The following PAM variants were observed in gnomAD, a reference collection of about 807,000 sequenced individuals.
The protein encoded by PAM is peptidyl-glycine alpha-amidating monooxygenase.
Under a neutral mutation model 122.1 loss-of-function variants are expected in PAM, and 72 were observed. The ratio of observed to expected loss-of-function variants is 0.59; its 90% CI spans 0.49 to 0.72. PAM has a LOEUF of 0.72. PAM is among the 30% of genes least tolerant of loss of function. PAM has a pLI of 0.00. For synonymous variants in PAM, 389 were observed against 404.4 expected (o/e 0.96, Z 0.46); for missense variants, 1,106 against 1,183.7 (o/e 0.93, Z 0.96).
intron 22 of PAM, 90 bp from the exon 23 acceptor site, chr5:103,019,700 T>C: frequency 1.2e-6 from 1 of 833,080 alleles, no homozygotes. Flanking sequence ...GGAAATATTT[T>C]CTACTGAGTA....
chr5:102,791,907 T>C (rs1375617827), intron 1 of PAM, among the ~76,000 whole-genome samples: 1 of 152,146 alleles, frequency 6.6e-6, no homozygotes, highest in Non-Finnish European at 1.5e-5. Context: ...ACATTTTAAT[T>C]TGGATCTGCT....
intron 12 of PAM, among the ~76,000 whole-genome samples, chr5:102,957,776 C>T (rs561445697): frequency 6.6e-6 from 1 of 152,298 alleles, no homozygotes; most frequent in South Asian, 2.1e-4. Flanking sequence ...GATCCACCCA[C>T]CTCAGCCTCC....
At chr5:102,795,213 G>GAAAAAAAAAAAAAAAA (rs1385469058) in intron 1 of PAM, among the ~76,000 whole-genome samples, 1 of 82,884 alleles carries the variant, frequency 1.2e-5, no homozygotes, top group Non-Finnish European at 2.7e-5. Context: ...AAAAAAAAAA[G>GAAAAAAAAAAAAAAAA]AAGAGAAGAA....
At chr5:103,024,998 A>T (rs1173227015) in intron 23 of PAM, 133 bp from the exon 24 acceptor site, 3 of 622,986 alleles carry the variant, frequency 4.8e-6, no homozygotes, top group Non-Finnish European at 8.4e-6. Flanking sequence ...CAGGTATTAA[A>T]ACATGAAACC....
At chr5:102,964,755 AT>A (rs1420900809) in intron 14 of PAM, among the ~76,000 whole-genome samples, 1 of 151,284 alleles carries the variant, frequency 6.6e-6, no homozygotes, top group Non-Finnish European at 1.5e-5. Context: ...AAAGCACATT[AT>A]TTTAATTATA....
chr5:102,890,396 A>T (rs1255966590), intron 3 of PAM, among the ~76,000 whole-genome samples: 1 of 151,886 alleles, frequency 6.6e-6, no homozygotes, highest in Non-Finnish European at 1.5e-5. Context: ...TGCCGTGGTT[A>T]ATTAGAAGTT....
intron 1 of PAM, among the ~76,000 whole-genome samples, chr5:102,788,059 C>T (rs1561449080): frequency 1.3e-5 from 2 of 152,074 alleles, no homozygotes; most frequent in African/African-American, 2.4e-5. Flanking sequence ...TTTCAGTTCA[C>T]TTGCACTCAC....
At chr5:102,869,185 G>C (rs1234647787) in intron 3 of PAM, among the ~76,000 whole-genome samples, 1 of 152,194 alleles carries the variant, frequency 6.6e-6, no homozygotes, top group Non-Finnish European at 1.5e-5. Context: ...ATAATTGACT[G>C]TATCCCGCCT....
intron 5 of PAM, among the ~76,000 whole-genome samples, chr5:102,916,578 A>G (rs1190504274): frequency 6.7e-6 from 1 of 149,878 alleles, no homozygotes; most frequent in East Asian, 1.9e-4. Context: ...GAAGACATAC[A>G]TTAAGTAAAA....
intron 7 of PAM, among the ~76,000 whole-genome samples, chr5:102,940,698 G>A (rs1754909882): frequency 6.6e-6 from 1 of 151,922 alleles, no homozygotes; most frequent in Non-Finnish European, 1.5e-5. Flanking sequence ...TTAGTTAAAT[G>A]TTTCTTTTGG....
chr5:102,895,150 T>C (rs1021809012), intron 3 of PAM, among the ~76,000 whole-genome samples: 1 of 151,838 alleles, frequency 6.6e-6, no homozygotes, highest in South Asian at 2.1e-4. Context: ...GCTTTTGTTT[T>C]TTCTGTCACA....
intron 1 of PAM, among the ~76,000 whole-genome samples, chr5:102,837,079 A>G (rs576236981): frequency 2.4e-4 from 36 of 152,280 alleles, no homozygotes; most frequent in African/African-American, 8.2e-4. Context: ...GTTGAAGCCA[A>G]TGGCATGCTT....
intron 14 of PAM, among the ~76,000 whole-genome samples, chr5:102,966,676 C>G (rs893819143): frequency 6.6e-6 from 1 of 152,090 alleles, no homozygotes. Context: ...AAAAGAGATG[C>G]TTTTATTTTT....
chr5:103,022,370 T>C (rs1260163418), intron 23 of PAM, among the ~76,000 whole-genome samples: 1 of 152,146 alleles, frequency 6.6e-6, no homozygotes, highest in African/African-American at 2.4e-5. Context: ...GTATTAAGAA[T>C]GTCCTTCCCT....
intron 15 of PAM, among the ~76,000 whole-genome samples, chr5:102,983,144 C>T (rs1770479898): frequency 6.6e-6 from 1 of 151,854 alleles, no homozygotes; most frequent in Admixed American, 6.6e-5. Context: ...ATGAAGACAT[C>T]TTTTAAAATA....
Position 102,900,255 on chromosome 5 carries a change from G to GT in PAM, c.211-1101_211-1100insT, listed in dbSNP as rs1554107232. Among the ~76,000 whole-genome samples, 231 of 82,868 alleles carry GT rather than the reference G, an allele frequency of 2.8e-3. 9 individuals carry two copies. The highest frequency in any genetic ancestry group is 0.025 in the East Asian group (57 of 2,282). The allele number at this position is 82,868 out of a possible 152,430, so 54.4% of individuals were successfully genotyped here. ...TTCAGGTCTCTTAATGTGTGTGTGT[G>GT]GGGGGGGGGCGGGGGGAAGAGGGTA... On this transcript the variant is annotated intron_variant, in intron 3 of 25. Coordinates refer to ENST00000438793, the MANE Select transcript of PAM (RefSeq NM_001177306.2).
chr5:102,875,370 T>C (rs1393353822), intron 3 of PAM, among the ~76,000 whole-genome samples: 1 of 152,036 alleles, frequency 6.6e-6, no homozygotes, highest in Non-Finnish European at 1.5e-5. Flanking sequence ...ATTTTTTTAT[T>C]TCTTTTAGAG....
At chr5:102,758,897 A>T (rs944751003) in intron 1 of PAM, among the ~76,000 whole-genome samples, 3 of 152,184 alleles carry the variant, frequency 2.0e-5, no homozygotes, top group Non-Finnish European at 4.4e-5. Context: ...ATATAAAAAT[A>T]TAAATACACT....
At chr5:102,938,291 T>A (rs964489362) in intron 7 of PAM, among the ~76,000 whole-genome samples, 4 of 152,196 alleles carry the variant, frequency 2.6e-5, no homozygotes, top group Non-Finnish European at 5.9e-5. Flanking sequence ...ATTGATTCCA[T>A]GGGACACCTG....
Sources: gnomAD v4.1 joint callset for allele counts (sites outside exome capture counted in the v4.1 genomes callset) on GRCh38, gnomAD v4.1.1 for gene constraint, MANE v1.5 for transcripts, NCBI Gene and HGNC (gene_info 2026-07-23, HGNC 2026-07-21) for gene names.